Variants in PGM3 observed in about 807,000 individuals in gnomAD.
PGM3 encodes the protein phosphoacetylglucosamine mutase.
PGM3 carries 40 observed loss-of-function variants against 66.2 expected under a neutral mutation model. The observed-to-expected ratio is 0.60, with a 90% CI of 0.47 to 0.79. The LOEUF (loss-of-function observed/expected upper bound fraction) is 0.79. Ranked by LOEUF, PGM3 falls within the 30% of genes least tolerant of loss-of-function variation. PGM3 has a pLI of 0.00. For synonymous variants in PGM3, 191 were observed against 224.2 expected (o/e 0.85, Z 1.32); for missense variants, 537 against 643.4 (o/e 0.83, Z 1.79).
intron 2 of PGM3, 104 bp downstream of exon 2, chr6:83,190,705 C>T (rs774070093): frequency 5.6e-6 from 5 of 888,680 alleles, no homozygotes; most frequent in Non-Finnish European, 5.4e-6. Context: ...AATGAGAAGG[C>T]ACATTCCTAG....
At chr6:83,153,415 A>G in the PGM3 span, 42 of 681,426 alleles carry the variant, frequency 6.2e-5, no homozygotes, top group Non-Finnish European at 9.5e-5. Flanking sequence ...TTCTAATTTT[A>G]AGTAGTCTAG....
chr6:83,185,209 G>A (rs1438422772), intron 4 of PGM3, among the ~76,000 whole-genome samples: 1 of 152,166 alleles, frequency 6.6e-6, no homozygotes, highest in African/African-American at 2.4e-5. Flanking sequence ...CAAACTGCAG[G>A]CCACAGCCTG....
chr6:83,176,050 TAGAC>T lies in PGM3; in HGVS notation c.1036_1039del (p.Val346IlefsTer7), dbSNP rs1562417414. 6.4e-7 allele frequency: 1 copy of T among 1,573,544 alleles called. No individual in the cohort carries two copies. The highest frequency in any genetic ancestry group is 1.3e-5 in the African/African-American group (1 of 74,148). ...ATGTTTTACACCAGTCTTAGTGCAA[TAGAC>T]AGGTACCTATAACACATGCATTTAA... is the stretch of plus-strand genomic sequence containing the variant. On this transcript the variant is annotated frameshift_variant, in exon 9 of 13. Coordinates refer to ENST00000513973, the MANE Select transcript of PGM3 (RefSeq NM_015599.3). LOFTEE classifies it high-confidence loss of function.
intron 10 of PGM3, among the ~76,000 whole-genome samples, chr6:83,173,754 T>TGAGAC (rs1562414722): frequency 6.6e-6 from 1 of 152,192 alleles, no homozygotes; most frequent in African/African-American, 2.4e-5. Flanking sequence ...TGTTTGTTTT[T>TGAGAC]GAGACAGAGT....
At position 83,167,886 on chromosome 6, in the gene PGM3, G is replaced by A. The variant is rs1361435291; in HGVS notation, c.*1348C>T. The A allele has an allele frequency of 6.2e-7, 1 of 1,611,732 alleles. No homozygotes were observed. Among genetic ancestry groups the A allele is most frequent in the East Asian group, 2.2e-5 (1 of 44,842 alleles). On this transcript the variant is annotated 3_prime_UTR_variant, in exon 13 of 13. Transcript: ENST00000513973. ...GAAAAATCCAGAGGAAGACAACTCAGGGAGAACATTGGGTTGGGAGCCAGG... is the reference window on the plus strand; with the variant it reads ...GAAAAATCCAGAGGAAGACAACTCAAGGAGAACATTGGGTTGGGAGCCAGG...
At chr6:83,155,329 A>G in the PGM3 span, among the ~76,000 whole-genome samples, 1 of 151,598 alleles carries the variant, frequency 6.6e-6, no homozygotes, top group Non-Finnish European at 1.5e-5. Context: ...AACTGGCCAA[A>G]TGTGGTATGT....
Position 83,166,609 on chromosome 6 carries a change from T to C in PGM3, c.*2625A>G, listed in dbSNP as rs1314342377. On this transcript the variant is annotated 3_prime_UTR_variant, in exon 13 of 13. Coordinates refer to ENST00000513973, the MANE Select transcript of PGM3 (RefSeq NM_015599.3). ...AAATGATGTATAACATAACCACATT[T>C]ATTTAAGAATGTACTCCAATATAAA... The C allele has an allele frequency of 2.9e-5, 21 of 727,182 alleles. No homozygotes were observed. Among genetic ancestry groups the C allele is most frequent in the Non-Finnish European group, 4.1e-5 (20 of 486,140 alleles). The allele number at this position is 727,182 out of a possible 1,614,324, so 45.0% of individuals were successfully genotyped here.
downstream of PGM3, among the ~76,000 whole-genome samples, chr6:83,160,360 G>C (rs1783944178): frequency 6.6e-6 from 1 of 152,242 alleles, no homozygotes. Context: ...ACAGCTGGGA[G>C]AGTGAAGATA....
At chr6:83,191,326 A>C in intron 1 of PGM3, 2 of 1,142,982 alleles carry the variant, frequency 1.7e-6, no homozygotes. Context: ...ACTCTCAACT[A>C]AAATGAAGAT....
chr6:83,187,350 T>G (rs1788658652), intron 3 of PGM3, among the ~76,000 whole-genome samples: 1 of 152,190 alleles, frequency 6.6e-6, no homozygotes, highest in South Asian at 2.1e-4. Flanking sequence ...CAAATACCTT[T>G]TCAAGTTCGA....
At chr6:83,189,232 G>A (rs966636388) in intron 2 of PGM3, among the ~76,000 whole-genome samples, 11 of 152,148 alleles carry the variant, frequency 7.2e-5, no homozygotes, top group Non-Finnish European at 1.5e-4. Flanking sequence ...AGCAGAATAA[G>A]GGCACACAGA....
At chr6:83,154,468 T>A in the PGM3 span, among the ~76,000 whole-genome samples, 1 of 152,226 alleles carries the variant, frequency 6.6e-6, no homozygotes, top group Admixed American at 6.5e-5. Flanking sequence ...GTAAAACTAT[T>A]TGTCCTTTTG....
downstream of PGM3, among the ~76,000 whole-genome samples, chr6:83,158,060 G>A (rs1265831425): frequency 1.3e-5 from 2 of 151,454 alleles, no homozygotes; most frequent in African/African-American, 2.4e-5. Flanking sequence ...GTGCAGTGGC[G>A]AGATCTCAGC....
At chr6:83,157,494 A>G (rs191436844), downstream of PGM3, among the ~76,000 whole-genome samples, 2 of 152,208 alleles carry the variant, frequency 1.3e-5, no homozygotes, top group Non-Finnish European at 2.9e-5. Context: ...ATTTCCATAC[A>G]GCTTAAATTT....
In PGM3 at chr6:83,164,938, C is replaced by G. The variant is rs1785101966; in HGVS notation, c.*4296G>C. 1 of 456,376 alleles carries G rather than the reference C, an allele frequency of 2.2e-6. No individual in the cohort carries two copies. The highest frequency in any genetic ancestry group is 3.9e-6 in the Non-Finnish European group (1 of 258,720). 28.3% of individuals were successfully genotyped at this position (456,376 alleles called of 1,614,324 possible). ...TACATATAGTTCTGATTAAGAGCAT[C>G]AGAAACTCTGAATCAAGTGTATTCT... is the stretch of plus-strand genomic sequence containing the variant. On this transcript the variant is annotated 3_prime_UTR_variant, in exon 13 of 13. Coordinates refer to ENST00000513973, the MANE Select transcript of PGM3 (RefSeq NM_015599.3).
At chr6:83,156,605 G>T (rs1014942713), downstream of PGM3, among the ~76,000 whole-genome samples, 1 of 152,128 alleles carries the variant, frequency 6.6e-6, no homozygotes, top group Non-Finnish European at 1.5e-5. Flanking sequence ...TCATCACCCT[G>T]TACCACCAAA....
At chr6:83,163,305 C>T (rs1384340128), downstream of PGM3, among the ~76,000 whole-genome samples, 1 of 152,002 alleles carries the variant, frequency 6.6e-6, no homozygotes, top group Non-Finnish European at 1.5e-5. Flanking sequence ...TAATGTTCAT[C>T]TTAATGCCAT....
chr6:83,170,569 C>G, intron 11 of PGM3, 91 bp from the exon 12 acceptor site: 1 of 971,286 alleles, frequency 1.0e-6, no homozygotes. Flanking sequence ...AAGTGCCAGA[C>G]TAAATATAAA....
Position 83,165,792 on chromosome 6 carries a change from T to C in PGM3, c.*3442A>G, listed in dbSNP as rs968675066. 3 of 289,648 alleles carry C rather than the reference T, an allele frequency of 1.0e-5. No homozygotes were observed. The highest frequency in any genetic ancestry group is 2.1e-5 in the Non-Finnish European group (3 of 143,942). 17.9% of individuals were successfully genotyped at this position (289,648 alleles called of 1,614,324 possible). A position where few individuals can be genotyped will look rare whatever the true frequency, so the allele number is the denominator to read the frequency against. ...TTGTGCAACGTGCGGCCCAGTGTTG[T>C]CGTGAAAAGAATTGGGCCCTTTCTG... On this transcript the variant is annotated 3_prime_UTR_variant, in exon 13 of 13. Transcript: ENST00000513973.
Sources: gnomAD v4.1 joint callset for allele counts (sites outside exome capture counted in the v4.1 genomes callset) on GRCh38, gnomAD v4.1.1 for gene constraint, MANE v1.5 for transcripts, NCBI Gene and HGNC (gene_info 2026-07-23, HGNC 2026-07-21) for gene names.